The following KCNT2 variants were observed in gnomAD, a reference collection of about 807,000 sequenced individuals.
KCNT2 encodes the protein potassium sodium-activated channel subfamily T member 2.
A neutral mutation model predicts 153.8 loss-of-function variants in KCNT2; 67 were observed. The ratio of observed to expected loss-of-function variants is 0.44; its 90% CI spans 0.36 to 0.53. The LOEUF (loss-of-function observed/expected upper bound fraction) is 0.53, where lower values mean the gene tolerates loss of function less well. KCNT2 is among the 20% of genes least tolerant of loss of function. KCNT2 has a pLI of 0.00. For missense variants in KCNT2, 975 were observed against 1,354.8 expected (o/e 0.72, Z 4.40); for synonymous variants, 500 against 458.8 (o/e 1.09, Z -1.15).
At chr1:196,360,364 G>A (rs184056948) in intron 14 of KCNT2, among the ~76,000 whole-genome samples, 55 of 151,940 alleles carry the variant, frequency 3.6e-4, no homozygotes, top group East Asian at 3.1e-3. Flanking sequence ...TAATTCCCAC[G>A]ACTAAAGAAG....
At chr1:196,577,500 A>C (rs1661505549) in intron 1 of KCNT2, among the ~76,000 whole-genome samples, 1 of 152,214 alleles carries the variant, frequency 6.6e-6, no homozygotes. Flanking sequence ...AAAGCGGCAC[A>C]GATAATAGAT....
At chr1:196,528,442 A>T (rs1654531910) in intron 1 of KCNT2, among the ~76,000 whole-genome samples, 1 of 152,152 alleles carries the variant, frequency 6.6e-6, no homozygotes, top group African/African-American at 2.4e-5. Flanking sequence ...CACTTCTCTT[A>T]GAATTGTTCG....
chr1:196,255,308 G>A (rs1656377945), intron 26 of KCNT2, among the ~76,000 whole-genome samples: 1 of 151,702 alleles, frequency 6.6e-6, no homozygotes, highest in South Asian at 2.1e-4. Context: ...TCATTTGATG[G>A]TGGACAATAA....
At chr1:196,500,433 T>C (rs1243321872) in intron 1 of KCNT2, among the ~76,000 whole-genome samples, 1 of 152,188 alleles carries the variant, frequency 6.6e-6, no homozygotes, top group African/African-American at 2.4e-5. Context: ...TTTTTCTTGC[T>C]TCTTGCCTTC....
intron 11 of KCNT2, among the ~76,000 whole-genome samples, chr1:196,424,417 G>T (rs1673471749): frequency 6.6e-6 from 1 of 151,814 alleles, no homozygotes; most frequent in Admixed American, 6.6e-5. Flanking sequence ...TGAATACAAT[G>T]ATCTAGATTA....
At chr1:196,257,375 A>C (rs1251934583) in intron 26 of KCNT2, 1 of 978,090 alleles carries the variant, frequency 1.0e-6, no homozygotes, top group Non-Finnish European at 1.2e-6. Flanking sequence ...ATAATAAACA[A>C]GAGAAAAGGG....
intron 1 of KCNT2, among the ~76,000 whole-genome samples, chr1:196,603,179 A>G (rs1008080681): frequency 2.0e-5 from 3 of 152,196 alleles, no homozygotes; most frequent in Non-Finnish European, 2.9e-5. Context: ...GATATTGATA[A>G]GAAACACAGG....
At chr1:196,525,202 A>C (rs1214120179) in intron 1 of KCNT2, among the ~76,000 whole-genome samples, 1 of 152,024 alleles carries the variant, frequency 6.6e-6, no homozygotes, top group Non-Finnish European at 1.5e-5. Context: ...TTTCACAGTT[A>C]TTTGTAGATT....
intron 14 of KCNT2, 26 bp from the exon 15 acceptor site, chr1:196,342,254 A>C (rs780316946): frequency 6.3e-7 from 1 of 1,583,460 alleles, no homozygotes; most frequent in Non-Finnish European, 8.6e-7. Context: ...ACACACATAC[A>C]CACACACAAA....
At chr1:196,446,989 C>T (rs555542224) in intron 8 of KCNT2, among the ~76,000 whole-genome samples, 1 of 151,600 alleles carries the variant, frequency 6.6e-6, no homozygotes, top group Admixed American at 6.6e-5. Context: ...AGGTTCAAAA[C>T]ATGGCTAGTA....
At chr1:196,427,798 A>G (rs559365756) in intron 10 of KCNT2, among the ~76,000 whole-genome samples, 65 of 152,214 alleles carry the variant, frequency 4.3e-4, no homozygotes, top group African/African-American at 1.5e-3. Context: ...CCATAAAAAT[A>G]TCATTTATGC....
chr1:196,455,728 T>C (rs2148633954), intron 8 of KCNT2, among the ~76,000 whole-genome samples: 1 of 152,124 alleles, frequency 6.6e-6, no homozygotes, highest in Non-Finnish European at 1.5e-5. Context: ...CTTAGATGAT[T>C]ATTTTCTTTT....
At chr1:196,498,179 A>T (rs1303716394) in intron 1 of KCNT2, among the ~76,000 whole-genome samples, 2 of 152,116 alleles carry the variant, frequency 1.3e-5, no homozygotes, top group African/African-American at 4.8e-5. Flanking sequence ...CACTCTTAAA[A>T]TTCTTATTCA....
At chr1:196,302,305 A>G (rs1158666388) in intron 22 of KCNT2, among the ~76,000 whole-genome samples, 1 of 152,168 alleles carries the variant, frequency 6.6e-6, no homozygotes, top group Non-Finnish European at 1.5e-5. Context: ...TAGCTGTCAT[A>G]CCAGTAAATA....
At chr1:196,597,425 G>A (rs977821513) in intron 1 of KCNT2, among the ~76,000 whole-genome samples, 11 of 149,560 alleles carry the variant, frequency 7.4e-5, no homozygotes, top group African/African-American at 2.7e-4. Flanking sequence ...GGTGTGTCCT[G>A]TAGATCTACT....
chr1:196,385,570 G>T (rs1461908679), intron 13 of KCNT2, among the ~76,000 whole-genome samples: 1 of 151,658 alleles, frequency 6.6e-6, no homozygotes, highest in Non-Finnish European at 1.5e-5. Flanking sequence ...AGGGCACAGG[G>T]ATAAATTTTA....
chr1:196,556,997 G>A (rs1331238164), intron 1 of KCNT2, among the ~76,000 whole-genome samples: 1 of 151,068 alleles, frequency 6.6e-6, no homozygotes. Context: ...AGGGGTATTG[G>A]GAGAGGAGGG....
intron 13 of KCNT2, among the ~76,000 whole-genome samples, chr1:196,393,097 A>G (rs972046197): frequency 2.6e-5 from 4 of 151,504 alleles, no homozygotes; most frequent in African/African-American, 7.3e-5. Flanking sequence ...TAACCAAAGC[A>G]TAGAAAATAT....
chr1:196,442,675 G>A (rs752887099), intron 8 of KCNT2, among the ~76,000 whole-genome samples: 92 of 151,572 alleles, frequency 6.1e-4, no homozygotes, highest in Non-Finnish European at 1.1e-3. Context: ...AGGTTAGCAT[G>A]ATGGAGGCAG....
Sources: gnomAD v4.1 joint callset for allele counts (sites outside exome capture counted in the v4.1 genomes callset) on GRCh38, gnomAD v4.1.1 for gene constraint, MANE v1.5 for transcripts, NCBI Gene and HGNC (gene_info 2026-07-23, HGNC 2026-07-21) for gene names.